The following SERGEF variants were observed in gnomAD, a reference collection of about 807,000 sequenced individuals.
The protein encoded by SERGEF is secretion-regulating guanine nucleotide exchange factor.
SERGEF carries 51 observed loss-of-function variants against 50.0 expected under a neutral mutation model. The observed-to-expected ratio is 1.02, with a 90% CI of 0.81 to 1.29. The LOEUF (loss-of-function observed/expected upper bound fraction) is 1.29. Among genes scored for constraint, SERGEF ranks in the 50% most tolerant of loss-of-function variants. The probability of loss-of-function intolerance (pLI) is 0.00; values close to 1 mark genes in which losing one functional copy is unlikely to be tolerated. For missense variants in SERGEF, 521 were observed against 557.0 expected (o/e 0.94, Z 0.65); for synonymous variants, 205 against 212.4 (o/e 0.97, Z 0.30).
intron 9 of SERGEF, among the ~76,000 whole-genome samples, chr11:17,886,472 C>T (rs920007540): frequency 7.9e-5 from 12 of 151,914 alleles, no homozygotes; most frequent in African/African-American, 2.4e-4. Context: ...ATTAGCCCGG[C>T]GTGGTGAAGT....
chr11:17,932,820 G>GTA (rs1258660910), intron 9 of SERGEF, among the ~76,000 whole-genome samples: 2 of 152,118 alleles, frequency 1.3e-5, no homozygotes, highest in African/African-American at 2.4e-5. Flanking sequence ...AGCAGGGAGA[G>GTA]TATAATGAGA....
At chr11:17,917,033 A>C (rs1852061189) in intron 9 of SERGEF, among the ~76,000 whole-genome samples, 1 of 152,238 alleles carries the variant, frequency 6.6e-6, no homozygotes, top group Admixed American at 6.5e-5. Context: ...CTAAAAGTAG[A>C]ACTACCATTT....
intron 9 of SERGEF, among the ~76,000 whole-genome samples, chr11:17,909,679 G>A (rs1055991827): frequency 6.6e-6 from 1 of 152,172 alleles, no homozygotes; most frequent in African/African-American, 2.4e-5. Context: ...AGAGTGGAGT[G>A]GCAGAAGTGT....
At chr11:17,842,129 G>C (rs147660066) in intron 10 of SERGEF, among the ~76,000 whole-genome samples, 1 of 152,108 alleles carries the variant, frequency 6.6e-6, no homozygotes, top group Non-Finnish European at 1.5e-5. Flanking sequence ...GCTCCTTGAG[G>C]GTGAGGGATC....
intron 9 of SERGEF, among the ~76,000 whole-genome samples, chr11:17,954,356 T>C (rs558402562): frequency 6.6e-6 from 1 of 152,304 alleles, no homozygotes; most frequent in South Asian, 2.1e-4. Flanking sequence ...GAGGGAGCTG[T>C]AGGACAAAGA....
At chr11:17,919,338 C>T (rs963318592) in intron 9 of SERGEF, among the ~76,000 whole-genome samples, 22 of 152,102 alleles carry the variant, frequency 1.4e-4, no homozygotes, top group African/African-American at 4.1e-4. Context: ...ATGGAGAGAC[C>T]GGAAGCCTCA....
chr11:17,873,963 A>T (rs1054795197), intron 10 of SERGEF, among the ~76,000 whole-genome samples: 43 of 152,192 alleles, frequency 2.8e-4, no homozygotes, highest in African/African-American at 9.9e-4. Flanking sequence ...CCAGACACAG[A>T]GGTGAGGGGC....
chr11:17,915,002 G>A (rs1167846634), intron 9 of SERGEF, among the ~76,000 whole-genome samples: 2 of 152,174 alleles, frequency 1.3e-5, no homozygotes. Context: ...GGTTAGGAAC[G>A]GCTTTCCTTA....
chr11:17,886,991 G>C (rs1851442567), intron 9 of SERGEF, among the ~76,000 whole-genome samples: 1 of 152,104 alleles, frequency 6.6e-6, no homozygotes, highest in African/African-American at 2.4e-5. Flanking sequence ...CAGTTCTAGG[G>C]AGTGAGTCCT....
In SERGEF at chr11:18,006,783, G is replaced by GATGT. The variant is rs747056998; in HGVS notation, c.197-38_197-37insACAT. 261 of 1,601,068 alleles carry GATGT rather than the reference G, an allele frequency of 1.6e-4. 1 individual carries two copies. Among genetic ancestry groups the GATGT allele is most frequent in the East Asian group, 1.1e-3 (48 of 44,812 alleles). On this transcript the variant is annotated intron_variant, in intron 2 of 10. Transcript: ENST00000265965. ...AAAGGCATCAGTGATAGCGTGCACA[G>GATGT]GAAAAAACACAACTGCAAAATGAAC...
intron 10 of SERGEF, among the ~76,000 whole-genome samples, chr11:17,806,875 C>A (rs150272272): frequency 3.3e-5 from 5 of 151,900 alleles, no homozygotes; most frequent in Non-Finnish European, 7.4e-5. Flanking sequence ...TCCCACCAAA[C>A]TCAATTGTGT....
intron 10 of SERGEF, among the ~76,000 whole-genome samples, chr11:17,831,612 GAAC>G (rs1001984998): frequency 2.0e-5 from 3 of 152,154 alleles, no homozygotes; most frequent in East Asian, 1.9e-4. Context: ...TAGGGAAGAG[GAAC>G]AACAACAACA....
At chr11:17,903,709 A>G (rs1370042012) in intron 9 of SERGEF, among the ~76,000 whole-genome samples, 2 of 152,200 alleles carry the variant, frequency 1.3e-5, no homozygotes, top group Non-Finnish European at 2.9e-5. Context: ...ACGGGGAGAG[A>G]TATAAAAGAA....
In SERGEF at chr11:17,859,811, A is replaced by C. The variant is rs117949136; in HGVS notation, c.1048+18397T>G. On this transcript the variant is annotated intron_variant, in intron 10 of 10. Coordinates refer to ENST00000265965, the MANE Select transcript of SERGEF (RefSeq NM_012139.4). ...AAAGTCAGAATGAAAAAAATTGCCA[A>C]CCTAGATTTCTACAAACAGTGAAAG... Among the ~76,000 whole-genome samples, 1,302 of 152,332 alleles carry C rather than the reference A, an allele frequency of 8.5e-3. 12 individuals are homozygous for C. Among genetic ancestry groups the C allele is most frequent in the Non-Finnish European group, 0.013 (905 of 68,028 alleles).
At chr11:17,894,373 A>G (rs1851584569) in intron 9 of SERGEF, among the ~76,000 whole-genome samples, 1 of 152,260 alleles carries the variant, frequency 6.6e-6, no homozygotes, top group African/African-American at 2.4e-5. Flanking sequence ...TTATATCCAC[A>G]TTTTATAGAT....
intron 8 of SERGEF, among the ~76,000 whole-genome samples, chr11:17,979,540 G>A (rs554779086): frequency 4.6e-5 from 7 of 152,112 alleles, no homozygotes; most frequent in African/African-American, 7.2e-5. Context: ...CAGCTCCTCC[G>A]GGCAGGGTTA....
intron 6 of SERGEF, among the ~76,000 whole-genome samples, chr11:17,994,909 C>G (rs1381332852): frequency 6.6e-6 from 1 of 152,110 alleles, no homozygotes; most frequent in Non-Finnish European, 1.5e-5. Flanking sequence ...CCTCAAAAAT[C>G]CCTGATTTGT....
At chr11:17,844,133 G>A (rs1002557701) in intron 10 of SERGEF, among the ~76,000 whole-genome samples, 23 of 152,132 alleles carry the variant, frequency 1.5e-4, no homozygotes, top group Non-Finnish European at 4.4e-5. Flanking sequence ...GGCAGAAAGG[G>A]CAAGTGACTA....
At chr11:17,859,224 C>G (rs1339284016) in intron 10 of SERGEF, among the ~76,000 whole-genome samples, 1 of 151,906 alleles carries the variant, frequency 6.6e-6, no homozygotes, top group Non-Finnish European at 1.5e-5. Flanking sequence ...TGTTTAAACT[C>G]TATAATTAAT....
Sources: gnomAD v4.1 joint callset for allele counts (sites outside exome capture counted in the v4.1 genomes callset) on GRCh38, gnomAD v4.1.1 for gene constraint, MANE v1.5 for transcripts, NCBI Gene and HGNC (gene_info 2026-07-23, HGNC 2026-07-21) for gene names.